LASP1: variants seen among roughly 807,000 people sequenced by gnomAD.
LASP1 encodes LIM and SH3 domain protein 1.
LASP1 carries 10 observed loss-of-function variants against 38.6 expected under a neutral mutation model. That is an observed-to-expected ratio of 0.26 (90% CI 0.16 to 0.44). LASP1 has a LOEUF of 0.44. Among genes scored for constraint, LASP1 ranks in the 20% least tolerant of loss-of-function variants. The pLI is 1.00. For missense variants in LASP1, 243 were observed against 375.7 expected, an observed-to-expected ratio of 0.65 and a Z score of 2.92; for synonymous variants, 132 against 140.8, an observed-to-expected ratio of 0.94 and a Z score of 0.44.
rs1915262351 is a variant in LASP1 at position 38,920,224 on chromosome 17, CTCTG to C, written c.*1451_*1454del. The C allele has an allele frequency of 1.3e-5, 6 of 479,132 alleles. No homozygotes were observed. Among genetic ancestry groups the C allele is most frequent in the East Asian group, 4.0e-5 (1 of 25,214 alleles). The allele number at this position is 479,132 out of a possible 1,614,324, so 29.7% of individuals were successfully genotyped here. A position where few individuals can be genotyped will look rare whatever the true frequency, so the allele number is the denominator to read the frequency against. On this transcript the variant is annotated 3_prime_UTR_variant, in exon 7 of 7. Transcript: ENST00000318008. ...TCACTCCAGGCATATGTTTCCCCATCTCTGTCTGGGGCTACAGAATAGGGTGGCA... is the reference window on the plus strand; with the variant it reads ...TCACTCCAGGCATATGTTTCCCCATCTCTGGGGCTACAGAATAGGGTGGCA...
Position 38,902,765 on chromosome 17 carries a change from T to C in LASP1, c.357+4246T>C, listed in dbSNP as rs1490115905. 2.6e-5 allele frequency among the ~76,000 whole-genome samples: 4 copies of C among 152,042 alleles called. No individual in the cohort carries two copies. The South Asian group carries it at 6.2e-4, about 24-fold the overall frequency. On this transcript the variant is annotated intron_variant, in intron 4 of 6. Transcript: ENST00000318008. Reference sequence around the variant, plus strand: ...TCGCCCAGGCTGGAGTGCAGTGGCGTGATCTTGGCTCACTGCAACCTCTGC... The same window carrying C: ...TCGCCCAGGCTGGAGTGCAGTGGCGCGATCTTGGCTCACTGCAACCTCTGC...
At chr17:38,883,478 C>G (rs1914010531) in intron 2 of LASP1, among the ~76,000 whole-genome samples, 1 of 152,182 alleles carries the variant, frequency 6.6e-6, no homozygotes, top group African/African-American at 2.4e-5. Context: ...TTGTCTGCCT[C>G]TAACTGGAAA....
At chr17:38,877,822 T>TC (rs1283074586) in intron 1 of LASP1, among the ~76,000 whole-genome samples, 1 of 152,084 alleles carries the variant, frequency 6.6e-6, no homozygotes, top group East Asian at 1.9e-4. Context: ...ACTGGGCTCT[T>TC]CCCCCCTGTC....
At chr17:38,870,616 C>T (rs973197989) in intron 1 of LASP1, among the ~76,000 whole-genome samples, 11 of 152,152 alleles carry the variant, frequency 7.2e-5, no homozygotes, top group Non-Finnish European at 1.6e-4. Flanking sequence ...GAGACGGCCG[C>T]TCCCTCTCCG....
chr17:38,882,325 A>G (rs1913977563), intron 2 of LASP1, among the ~76,000 whole-genome samples: 1 of 152,206 alleles, frequency 6.6e-6, no homozygotes, highest in African/African-American at 2.4e-5. Context: ...TCCGCTCACT[A>G]CAACCTCTGC....
chr17:38,914,734 G>A (rs892241511), intron 5 of LASP1, among the ~76,000 whole-genome samples: 5 of 151,398 alleles, frequency 3.3e-5, no homozygotes, highest in Admixed American at 1.3e-4. Flanking sequence ...GCATGCAGGC[G>A]AGGAAAAGAC....
At chr17:38,896,859 C>T (rs997210363) in intron 3 of LASP1, 3 of 957,784 alleles carry the variant, frequency 3.1e-6, no homozygotes, top group African/African-American at 1.8e-5. Context: ...TAAGAAGCCC[C>T]CTCCCCATAT....
chr17:38,899,401 C>T (rs1914579251), intron 4 of LASP1, among the ~76,000 whole-genome samples: 1 of 152,118 alleles, frequency 6.6e-6, no homozygotes, highest in Admixed American at 6.5e-5. Context: ...ATAGAGATTG[C>T]CGGGGGAGCC....
intron 2 of LASP1, among the ~76,000 whole-genome samples, chr17:38,879,682 C>A (rs756849276): frequency 1.1e-4 from 17 of 151,944 alleles, no homozygotes; most frequent in Non-Finnish European, 1.9e-4. Context: ...AGCCTTACCC[C>A]TAACCTTACC....
At chr17:38,890,602 C>A in intron 3 of LASP1, 98 bp downstream of exon 3, 2 of 1,046,350 alleles carry the variant, frequency 1.9e-6, no homozygotes, top group Non-Finnish European at 3.0e-6. Flanking sequence ...CCTGCGGTTA[C>A]TCTGCAAGGC....
chr17:38,898,859 A>G (rs1396705561), intron 4 of LASP1: 1 of 421,818 alleles, frequency 2.4e-6, no homozygotes, highest in Non-Finnish European at 4.8e-6. Flanking sequence ...CAAAGGTCAA[A>G]ACTGGGGGGC....
At chr17:38,886,806 G>A (rs1914154710) in intron 2 of LASP1, among the ~76,000 whole-genome samples, 1 of 152,206 alleles carries the variant, frequency 6.6e-6, no homozygotes, top group African/African-American at 2.4e-5. Context: ...GTGAGGCACA[G>A]TGCAGTGTGT....
intron 1 of LASP1, among the ~76,000 whole-genome samples, chr17:38,877,843 G>A (rs1470323302): frequency 6.6e-6 from 1 of 152,184 alleles, no homozygotes; most frequent in Admixed American, 6.5e-5. Context: ...CTTCATGCCT[G>A]CCTGTCTCTT....
intron 4 of LASP1, 74 bp from the exon 5 acceptor site, chr17:38,914,251 G>C: frequency 6.5e-7 from 1 of 1,532,768 alleles, no homozygotes; most frequent in Non-Finnish European, 8.8e-7. Flanking sequence ...CCCATCCTGG[G>C]ATCTTGAGGG....
At position 38,898,417 on chromosome 17, in the gene LASP1, C is replaced by G; in HGVS notation, c.255C>G (p.Arg85=). ...KQQSELQSQV[R]YKEEFEKNKG... is the part of the protein sequence containing the mutation. ...CTCTTCCTCCCCTCCTGCAGGTGCG[C>G]TACAAGGAGGAGTTTGAGAAGAACA... The change falls in exon 4 of 7, where the codon CGC becomes CGG. Residue 85 remains arginine, a synonymous_variant. Transcript: ENST00000318008. 1 of 1,547,718 alleles carries G rather than the reference C, an allele frequency of 6.5e-7. No homozygotes were observed. The highest frequency in any genetic ancestry group is 8.7e-7 in the Non-Finnish European group (1 of 1,143,776).
Position 38,921,008 on chromosome 17 carries a change from C to T in LASP1, c.*2230C>T, listed in dbSNP as rs147954768. 1.8e-3 allele frequency: 421 copies of T among 232,242 alleles called. 3 individuals are homozygous for T. The highest frequency in any genetic ancestry group is 8.4e-3 in the African/African-American group (380 of 45,344). 14.4% of individuals were successfully genotyped at this position (232,242 alleles called of 1,614,324 possible). On this transcript the variant is annotated 3_prime_UTR_variant, in exon 7 of 7. Coordinates refer to ENST00000318008, the MANE Select transcript of LASP1 (RefSeq NM_006148.4). Reference sequence around the variant, plus strand: ...TCCTTCCCAGATAAGGCAAGCCAGTCATGGAATCTTGCTGCAGGCCCTCCC... The same window carrying T: ...TCCTTCCCAGATAAGGCAAGCCAGTTATGGAATCTTGCTGCAGGCCCTCCC...
intron 4 of LASP1, among the ~76,000 whole-genome samples, chr17:38,906,496 T>C (rs35266071): frequency 0.029 from 4,370 of 152,054 alleles, 190 homozygotes; most frequent in African/African-American, 0.1. Context: ...ACCACTGCAC[T>C]CCATCCTGGG....
rs76451916 is a variant in LASP1 at position 38,878,631 on chromosome 17, C to T, written c.164+451C>T. ...CTTCCCTTATTTCTCTCCTCAAAAT[C>T]GACAGTTTCCTTCTCTCACCTGGGT... On this transcript the variant is annotated intron_variant, in intron 2 of 6. Transcript: ENST00000318008. Among the ~76,000 whole-genome samples, 411 of 152,210 alleles carry T rather than the reference C, an allele frequency of 2.7e-3. 1 individual carries two copies. Among genetic ancestry groups the T allele is most frequent in the African/African-American group, 9.6e-3 (397 of 41,526 alleles).
chr17:38,921,373 T>A lies in LASP1; in HGVS notation c.*2595T>A, dbSNP rs1372392790. 11 of 232,666 alleles carry A rather than the reference T, an allele frequency of 4.7e-5. No individual in the cohort carries two copies. The highest frequency in any genetic ancestry group is 8.5e-5 in the Non-Finnish European group (10 of 117,484). 14.4% of individuals were successfully genotyped at this position (232,666 alleles called of 1,614,324 possible). A position where few individuals can be genotyped will look rare whatever the true frequency, so the allele number is the denominator to read the frequency against. On this transcript the variant is annotated 3_prime_UTR_variant, in exon 7 of 7. Coordinates refer to ENST00000318008, the MANE Select transcript of LASP1 (RefSeq NM_006148.4). ...TCTCCCAGCACTGCCTCCTGTTTTC[T>A]CCCTCTCATGTCCCTCCAGGGAAAA...
Sources: allele counts gnomAD v4.1 joint callset (sites outside exome capture counted in the v4.1 genomes callset), GRCh38; gene constraint gnomAD v4.1.1; transcripts MANE v1.5; gene names NCBI Gene and HGNC (gene_info 2026-07-23, HGNC 2026-07-21).